Variants in PSG5 observed in about 807,000 individuals in gnomAD.
PSG5 encodes pregnancy specific beta-1-glycoprotein 5.
Under a neutral mutation model 37.7 loss-of-function variants are expected in PSG5, and 53 were observed. That is an observed-to-expected ratio of 1.41 (90% CI 1.13 to 1.77). PSG5 has a LOEUF of 1.77. Ranked by LOEUF, PSG5 falls within the 40% of genes most tolerant of loss-of-function variation. The pLI is 0.00. For missense variants in PSG5, 547 were observed against 405.2 expected (o/e 1.35, Z -3.00); for synonymous variants, 221 against 155.4 (o/e 1.42, Z -3.14).
rs569376051 is a variant in PSG5, at chr19:43,183,548, A to G, written c.430+1234T>C. On this transcript the variant is annotated intron_variant, in intron 2 of 5. Coordinates refer to ENST00000342951, the MANE Select transcript of PSG5 (RefSeq NM_002781.4). ...ACATGGGCACTTTGGGAAACACAGG[A>G]TTTCAGGTTCAGTGATGGGGGTTAA... 3.7e-4 allele frequency: 187 copies of G among 501,898 alleles called. 4 individuals are homozygous for G. The highest frequency in any genetic ancestry group is 2.7e-3 in the African/African-American group (135 of 50,100). The allele number at this position is 501,898 out of a possible 1,614,324, so 31.1% of individuals were successfully genotyped here. A position where few individuals can be genotyped will look rare whatever the true frequency, so the allele number is the denominator to read the frequency against.
intron 1 of PSG5, among the ~76,000 whole-genome samples, chr19:43,185,725 C>T (rs1966921270): frequency 6.6e-6 from 1 of 151,710 alleles, no homozygotes; most frequent in East Asian, 1.9e-4. Context: ...CAGGGCCCTC[C>T]ACACCCTTGG....
At chr19:43,182,742 T>A (rs1217158671) in intron 2 of PSG5, among the ~76,000 whole-genome samples, 2 of 132,562 alleles carry the variant, frequency 1.5e-5, no homozygotes, top group Non-Finnish European at 3.2e-5. Flanking sequence ...GGCCAGAAGA[T>A]CTTGCCTGGC....
At chr19:43,180,636 T>C (rs550876361) in intron 2 of PSG5, 4 of 151,786 alleles carry the variant, frequency 2.6e-5, no homozygotes, top group African/African-American at 9.7e-5. Flanking sequence ...TTAAAATGTT[T>C]TCATAAGTGG....
At position 43,184,959 on chromosome 19, in the gene PSG5, C is replaced by G. The variant is rs2122244863; in HGVS notation, c.253G>C (p.Asp85His). 2 of 1,612,448 alleles carry G rather than the reference C, an allele frequency of 1.2e-6. No individual in the cohort carries two copies. Among genetic ancestry groups the G allele is most frequent in the East Asian group, 4.5e-5 (2 of 44,864 alleles). The stretch of plus-strand genomic sequence containing the variant: ...GGCCCATATATATTTATTTGACCGT[C>G]TACTACATATGATGTAATGTAATGG... Reference protein sequence around the residue: ...LYHYITSYVVDGQINIYGPAY... With the variant: ...LYHYITSYVVHGQINIYGPAY... Residue 85 changes from aspartate to histidine, a missense_variant, in exon 2 of 6, where the codon GAC (aspartate) becomes CAC (histidine). Physicochemically the swap from Asp to His is moderately conservative, Grantham distance 81. Coordinates refer to ENST00000342951, the MANE Select transcript of PSG5 (RefSeq NM_002781.4).
chr19:43,181,984 A>T (rs1475384323), intron 2 of PSG5, among the ~76,000 whole-genome samples: 1 of 151,636 alleles, frequency 6.6e-6, no homozygotes, highest in Non-Finnish European at 1.5e-5. Flanking sequence ...CCAGCCTCTG[A>T]CACCCTGGTG....
chr19:43,175,171 C>A, intron 4 of PSG5, 44 bp downstream of exon 4: 2 of 1,611,922 alleles, frequency 1.2e-6, no homozygotes, highest in Non-Finnish European at 1.7e-6. Flanking sequence ...GCCAGGTAGA[C>A]TCCACCTAAA....
At position 43,183,258 on chromosome 19, in the gene PSG5, G is replaced by A. The variant is rs1255753734; in HGVS notation, c.430+1524C>T. On this transcript the variant is annotated intron_variant, in intron 2 of 5. Coordinates refer to ENST00000342951, the MANE Select transcript of PSG5 (RefSeq NM_002781.4). Reference sequence around the variant, plus strand: ...GCTTCAGAGTTGCATGAGGTGGGGTGGCTTTAGGGGCAAGAGGTAGTGGGG... The same window carrying A: ...GCTTCAGAGTTGCATGAGGTGGGGTAGCTTTAGGGGCAAGAGGTAGTGGGG... 5 of 338,818 alleles carry A rather than the reference G, an allele frequency of 1.5e-5. No individual in the cohort carries two copies. The Admixed American group carries it at 1.9e-4, about 13-fold the overall frequency. The allele number at this position is 338,818 out of a possible 1,614,324, so 21.0% of individuals were successfully genotyped here.
At position 43,180,742 on chromosome 19, in the gene PSG5, G is replaced by T. The variant is rs1049192712; in HGVS notation, c.430+4040C>A. The stretch of plus-strand genomic sequence containing the variant: ...AGGTTTAGGTGTGCCGTGAATTCCA[G>T]CAGGATCACATTATGCTCAAAGAAA... On this transcript the variant is annotated intron_variant, in intron 2 of 5. Coordinates refer to ENST00000342951, the MANE Select transcript of PSG5 (RefSeq NM_002781.4). The T allele has an allele frequency of 3.2e-4, 48 of 151,666 alleles. 1 individual carries two copies. The highest frequency in any genetic ancestry group is 1.1e-3 in the African/African-American group (46 of 41,240). The allele number at this position is 151,666 out of a possible 1,614,324, so 9.4% of individuals were successfully genotyped here. A position where few individuals can be genotyped will look rare whatever the true frequency, so the allele number is the denominator to read the frequency against.
At chr19:43,179,688 C>G (rs765187958) in intron 2 of PSG5, among the ~76,000 whole-genome samples, 2 of 151,662 alleles carry the variant, frequency 1.3e-5, no homozygotes, top group East Asian at 1.9e-4. Context: ...ACAGGGGAGA[C>G]CAGAGTCAAG....
chr19:43,183,496 C>A (rs752372799), intron 2 of PSG5: 1 of 528,382 alleles, frequency 1.9e-6, no homozygotes, highest in Middle Eastern at 6.6e-4. Flanking sequence ...AAAACAAAGT[C>A]CTCTCCTTGA....
At chr19:43,169,949 G>T (rs1968867800) in intron 5 of PSG5, 106 bp downstream of exon 5, 2 of 678,242 alleles carry the variant, frequency 2.9e-6, no homozygotes, top group Non-Finnish European at 5.2e-6. Flanking sequence ...GTTTAGTGGA[G>T]GAAGGAGGAG....
chr19:43,168,182 G>T lies in PSG5; in HGVS notation c.*62C>A. ...GACTGTAGGTGATTGTAAGTAGTTT[G>T]AGGAAGAATCAAAGCAACTGTCTGG... On this transcript the variant is annotated 3_prime_UTR_variant, in exon 6 of 6. Coordinates refer to ENST00000342951, the MANE Select transcript of PSG5 (RefSeq NM_002781.4). 1 of 412,006 alleles carries T rather than the reference G, an allele frequency of 2.4e-6. No individual in the cohort carries two copies. The highest frequency in any genetic ancestry group is 1.2e-4 in the South Asian group (1 of 8,686). 25.5% of individuals were successfully genotyped at this position (412,006 alleles called of 1,614,324 possible). A position where few individuals can be genotyped will look rare whatever the true frequency, so the allele number is the denominator to read the frequency against.
chr19:43,186,300 T>C (rs767319440), intron 1 of PSG5, 42 bp downstream of exon 1: 27 of 1,610,632 alleles, frequency 1.7e-5, no homozygotes, highest in African/African-American at 6.7e-5. Context: ...CCAGTCACTC[T>C]TCTTCCTCCT....
chr19:43,173,150 T>C (rs957826143), intron 4 of PSG5, among the ~76,000 whole-genome samples: 3 of 151,608 alleles, frequency 2.0e-5, no homozygotes, highest in Non-Finnish European at 1.5e-5. Context: ...CCAAATGATA[T>C]TGGGAAAGCT....
At chr19:43,168,666 C>T (rs950596931) in intron 5 of PSG5, among the ~76,000 whole-genome samples, 9 of 151,686 alleles carry the variant, frequency 5.9e-5, no homozygotes, top group Admixed American at 5.9e-4. Context: ...GCCATCGCGC[C>T]CAGCGTAGAA....
rs760970303 is a variant in PSG5 at position 43,170,175 on chromosome 19, G to T, written c.965-37C>A. 7 of 1,529,364 alleles carry T rather than the reference G, an allele frequency of 4.6e-6. No individual in the cohort carries two copies. In the African/African-American group the frequency reaches 9.7e-5, roughly 21 times the overall value. 94.7% of individuals were successfully genotyped at this position (1,529,364 alleles called of 1,614,324 possible). ...AGAAAAGTAAAGAAGGAATGAAGGTGATGTTATTTTACATGGGGGAGCCTC... is the reference window on the plus strand; with the variant it reads ...AGAAAAGTAAAGAAGGAATGAAGGTTATGTTATTTTACATGGGGGAGCCTC... On this transcript the variant is annotated intron_variant, in intron 4 of 5. Transcript: ENST00000342951.
chr19:43,176,167 G>T lies in PSG5; in HGVS notation c.431-19C>A. 6.2e-7 allele frequency: 1 copy of T among 1,610,220 alleles called. No homozygotes were observed. Among genetic ancestry groups the T allele is most frequent in the South Asian group, 1.1e-5 (1 of 90,964 alleles). On this transcript the variant is annotated intron_variant, in intron 2 of 5. Transcript: ENST00000342951. ...AGCTTCACTGTGTGGATAACAGAGAGAAGATTGTCCTGTGTGGCACCTTTG... is the reference window on the plus strand; with the variant it reads ...AGCTTCACTGTGTGGATAACAGAGATAAGATTGTCCTGTGTGGCACCTTTG...
In PSG5 at chr19:43,185,040, A is replaced by G; in HGVS notation, c.172T>C (p.Leu58=). The part of the protein sequence containing the change: ...GKDVLLLVHN[L]PQNLAGYIWY... ...ATGTAGCCAGCAAGATTCTGAGGCA[A>G]ATTGTGGACAAGTAGAAGAACATCC... Residue 58 remains leucine, a synonymous_variant, in exon 2 of 6, where the codon TTG becomes CTG. Coordinates refer to ENST00000342951, the MANE Select transcript of PSG5 (RefSeq NM_002781.4). 6.2e-7 allele frequency: 1 copy of G among 1,612,652 alleles called. No homozygotes were observed. Among genetic ancestry groups the G allele is most frequent in the Non-Finnish European group, 8.5e-7 (1 of 1,179,208 alleles).
At chr19:43,183,618 C>T (rs10420089) in intron 2 of PSG5, 226,718 of 349,818 alleles carry the variant, frequency 0.65, 75,920 homozygotes, top group East Asian at 0.99. Context: ...CTGACTCTGA[C>T]GGTTGAGGCA....
Sources: allele counts gnomAD v4.1 joint callset (sites outside exome capture counted in the v4.1 genomes callset), GRCh38; gene constraint gnomAD v4.1.1; transcripts MANE v1.5; gene names NCBI Gene and HGNC (gene_info 2026-07-23, HGNC 2026-07-21).